The following ZNF578 variants were observed in gnomAD, a reference collection of about 807,000 sequenced individuals.
ZNF578 encodes the protein Putative chemokine-related protein B42.
A neutral mutation model predicts 8.3 loss-of-function variants in ZNF578; 8 were observed. The ratio of observed to expected loss-of-function variants is 0.96; its 90% confidence interval spans 0.56 to 1.74. The LOEUF (loss-of-function observed/expected upper bound fraction) is 1.74. Among genes scored for constraint, ZNF578 ranks in the 40% most tolerant of loss-of-function variants. The probability of loss-of-function intolerance (pLI) is 0.00; values close to 1 mark genes in which losing one functional copy is unlikely to be tolerated. For missense variants in ZNF578, 726 were observed against 707.5 expected (o/e 1.03, Z -0.30); for synonymous variants, 206 against 232.2 (o/e 0.89, Z 1.03).
At chr19:52,461,095 G>A (rs2122767378) in intron 2 of ZNF578, among the ~76,000 whole-genome samples, 1 of 152,284 alleles carries the variant, frequency 6.6e-6, no homozygotes, top group East Asian at 1.9e-4. Context: ...GCTCCAGCTA[G>A]GATGTCAATT....
chr19:52,459,444 G>A (rs1263354909), intron 2 of ZNF578, among the ~76,000 whole-genome samples: 2 of 151,882 alleles, frequency 1.3e-5, no homozygotes, highest in Admixed American at 6.6e-5. Context: ...CTTTTATAAA[G>A]CTGAATAATA....
At chr19:52,500,255 A>T (rs1204862922) in intron 3 of ZNF578, among the ~76,000 whole-genome samples, 2 of 152,114 alleles carry the variant, frequency 1.3e-5, no homozygotes, top group Non-Finnish European at 2.9e-5. Flanking sequence ...TTTTATGGAG[A>T]CATGAGACAT....
intron 2 of ZNF578, among the ~76,000 whole-genome samples, chr19:52,486,302 T>G (rs802583): frequency 1.3e-5 from 2 of 152,034 alleles, no homozygotes; most frequent in Admixed American, 1.3e-4. Flanking sequence ...TCCCCCTCTC[T>G]GAGATGGTAG....
Position 52,511,930 on chromosome 19 carries a change from G to A in ZNF578, c.1549G>A (p.Gly517Arg), listed in dbSNP as rs112863337. 17 of 1,613,744 alleles carry A rather than the reference G, an allele frequency of 1.1e-5. No individual in the cohort carries two copies. The highest frequency in any genetic ancestry group is 6.7e-5 in the East Asian group (3 of 44,856). Residue 517 changes from glycine to arginine, a missense_variant, in exon 6 of 6, where the codon GGG becomes AGG. By Grantham distance (125) the Gly-to-Arg change is moderately radical. Coordinates refer to ENST00000421239, the MANE Select transcript of ZNF578 (RefSeq NM_001099694.2). ...GEKPYKCNEC[G>R]KTFNVQSHLS... The stretch of plus-strand genomic sequence containing the variant: ...GAAACCTTACAAGTGTAATGAATGT[G>A]GGAAGACTTTTAATGTACAGTCACA...
rs2059474328 is a variant in ZNF578, at chr19:52,516,099, A to G, written c.*3945A>G. ...TTGCTTTTCTCTTTTCCCAAACATC[A>G]AAACCCTTCCTGTCTCAGGTCATTG... On this transcript the variant is annotated 3_prime_UTR_variant, in exon 6 of 6. Coordinates refer to ENST00000421239, the MANE Select transcript of ZNF578 (RefSeq NM_001099694.2). Among the ~76,000 whole-genome samples, 1 of 142,882 alleles carries G rather than the reference A, an allele frequency of 7.0e-6. No individual in the cohort carries two copies. 93.7% of individuals were successfully genotyped at this position (142,882 alleles called of 152,430 possible). A position where few individuals can be genotyped will look rare whatever the true frequency, so the allele number is the denominator to read the frequency against.
chr19:52,496,635 G>A (rs1401510047), intron 3 of ZNF578, among the ~76,000 whole-genome samples: 2 of 133,850 alleles, frequency 1.5e-5, no homozygotes, highest in African/African-American at 5.8e-5. Context: ...AGCCTCATTA[G>A]TTGTTATTTA....
At chr19:52,480,282 G>A (rs2059321533) in intron 2 of ZNF578, among the ~76,000 whole-genome samples, 1 of 152,130 alleles carries the variant, frequency 6.6e-6, no homozygotes, top group Admixed American at 6.5e-5. Flanking sequence ...ATAATGGTAG[G>A]TTTCTTGTTA....
intron 5 of ZNF578, among the ~76,000 whole-genome samples, chr19:52,509,808 TTC>T (rs1257464496): frequency 1.3e-5 from 2 of 152,190 alleles, no homozygotes; most frequent in African/African-American, 2.4e-5. Context: ...TATGTGCCTG[TTC>T]TGTGTGGATA....
At position 52,514,962 on chromosome 19, in the gene ZNF578, CTTTTT is replaced by C. The variant is rs35788845; in HGVS notation, c.*2822_*2826del. Among the ~76,000 whole-genome samples the C allele has an allele frequency of 8.1e-6, 1 of 122,922 alleles. No individual in the cohort carries two copies. The highest frequency in any genetic ancestry group is 1.7e-5 in the Non-Finnish European group (1 of 60,274). 80.6% of individuals were successfully genotyped at this position (122,922 alleles called of 152,430 possible). A position where few individuals can be genotyped will look rare whatever the true frequency, so the allele number is the denominator to read the frequency against. On this transcript the variant is annotated 3_prime_UTR_variant, in exon 6 of 6. Coordinates refer to ENST00000421239, the MANE Select transcript of ZNF578 (RefSeq NM_001099694.2). The stretch of plus-strand genomic sequence containing the variant: ...AGGCATGAGCTACCACGTCGAGACT[CTTTTT>C]TTTTTTTTTTTTTAGATGGAGTTTT...
At chr19:52,500,448 C>G (rs1316751963) in intron 3 of ZNF578, among the ~76,000 whole-genome samples, 1 of 150,888 alleles carries the variant, frequency 6.6e-6, no homozygotes, top group African/African-American at 2.4e-5. Context: ...ATTTTGTCAC[C>G]CAGGCTGGAG....
At chr19:52,463,960 C>G (rs1457574883) in intron 2 of ZNF578, among the ~76,000 whole-genome samples, 1 of 152,106 alleles carries the variant, frequency 6.6e-6, no homozygotes, top group African/African-American at 2.4e-5. Context: ...ATCAATACAT[C>G]CAACAAATTC....
chr19:52,455,422 C>G (rs890133655), intron 1 of ZNF578: 1 of 152,234 alleles, frequency 6.6e-6, no homozygotes, highest in Non-Finnish European at 1.5e-5. Context: ...GTCTTGAACT[C>G]GTGACCTCGT....
intron 2 of ZNF578, among the ~76,000 whole-genome samples, chr19:52,481,500 T>G (rs952414016): frequency 6.6e-6 from 1 of 152,232 alleles, no homozygotes; most frequent in Non-Finnish European, 1.5e-5. Flanking sequence ...TAATTAAAAC[T>G]TGTTTCAAAT....
intron 2 of ZNF578, among the ~76,000 whole-genome samples, chr19:52,480,945 A>T (rs888415024): frequency 1.4e-5 from 2 of 146,392 alleles, no homozygotes; most frequent in Non-Finnish European, 3.0e-5. Flanking sequence ...TAATAATAAT[A>T]ATTTGGCACC....
chr19:52,512,113 C>T lies in ZNF578; in HGVS notation c.1732C>T (p.His578Tyr), dbSNP rs376297084. 156 of 1,612,404 alleles carry T rather than the reference C, an allele frequency of 9.7e-5. No homozygotes were observed. Among genetic ancestry groups the T allele is most frequent in the Non-Finnish European group, 1.2e-4 (147 of 1,179,468 alleles). ...KCNECGKAHN[H>Y]LIDSSIKPCM... ...TAATGAGTGTGGTAAGGCTCACAAT[C>T]ACTTGATTGATTCATCAATCAAGCC... Residue 578 changes from histidine (H) to tyrosine (Y), a missense_variant, in exon 6 of 6, where the codon CAC becomes TAC. Transcript: ENST00000421239.
intron 5 of ZNF578, among the ~76,000 whole-genome samples, chr19:52,507,025 G>A (rs1256591318): frequency 6.6e-6 from 1 of 152,120 alleles, no homozygotes; most frequent in East Asian, 1.9e-4. Context: ...GGCTGAGGTG[G>A]GTAGATGGCT....
At chr19:52,488,030 C>T (rs2059351810) in intron 2 of ZNF578, among the ~76,000 whole-genome samples, 1 of 151,596 alleles carries the variant, frequency 6.6e-6, no homozygotes, top group African/African-American at 2.4e-5. Flanking sequence ...TGTCAGCTCA[C>T]CACAAACTCC....
rs1295244968 is a variant in ZNF578, at chr19:52,513,604, C to A, written c.*1450C>A. Among the ~76,000 whole-genome samples the A allele has an allele frequency of 6.6e-6, 1 of 151,578 alleles. No individual in the cohort carries two copies. The highest frequency in any genetic ancestry group is 2.4e-5 in the African/African-American group (1 of 41,238). On this transcript the variant is annotated 3_prime_UTR_variant, in exon 6 of 6. Transcript: ENST00000421239. ...ACTTAGCCGGGCATGGTGGTGGGCA[C>A]CTGTAGTCTCAGCTACTCAGGGGGC...
chr19:52,485,452 C>T (rs959761374), intron 2 of ZNF578, among the ~76,000 whole-genome samples: 17 of 152,136 alleles, frequency 1.1e-4, no homozygotes, highest in East Asian at 1.9e-4. Flanking sequence ...GTCATCTGTG[C>T]GCAGCATTGA....
Sources: gnomAD v4.1 joint callset for allele counts (sites outside exome capture counted in the v4.1 genomes callset) on GRCh38, gnomAD v4.1.1 for gene constraint, MANE v1.5 for transcripts, NCBI Gene and HGNC (gene_info 2026-07-23, HGNC 2026-07-21) for gene names.